NRG3: variants seen among roughly 807,000 people sequenced by gnomAD.
NRG3 encodes the protein neuregulin 3, also known as pro-neuregulin-3, membrane-bound isoform.
NRG3 carries 31 observed loss-of-function variants against 66.9 expected under a neutral mutation model. The ratio of observed to expected loss-of-function variants is 0.46; its 90% CI spans 0.35 to 0.63. The LOEUF is 0.63. Among genes scored for constraint, NRG3 ranks in the 20% least tolerant of loss-of-function variants. The probability of loss-of-function intolerance (pLI) is 0.00; values close to 1 mark genes in which losing one functional copy is unlikely to be tolerated. For missense variants in NRG3, 910 were observed against 878.9 expected, an observed-to-expected ratio of 1.04 and a Z score of -0.45; for synonymous variants, 393 against 359.4, an observed-to-expected ratio of 1.09 and a Z score of -1.06.
intron 2 of NRG3, among the ~76,000 whole-genome samples, chr10:82,657,990 G>A (rs1256379410): frequency 6.6e-6 from 1 of 151,358 alleles, no homozygotes; most frequent in East Asian, 1.9e-4. Flanking sequence ...AAGAAAATCT[G>A]ATTCTACACA....
chr10:82,739,799 G>A (rs945266262), intron 3 of NRG3, among the ~76,000 whole-genome samples: 3 of 152,142 alleles, frequency 2.0e-5, no homozygotes, highest in African/African-American at 7.2e-5. Context: ...TCTATTTCCT[G>A]AAATGTGAGA....
At position 82,844,929 on chromosome 10, in the gene NRG3, C is replaced by T. The variant is rs566962970; in HGVS notation, c.1028-20482C>T. 3.3e-5 allele frequency among the ~76,000 whole-genome samples: 5 copies of T among 152,108 alleles called. No individual in the cohort carries two copies. The South Asian group carries it at 6.2e-4, about 19-fold the overall frequency. ...CAACACTTTGGGAGGCTGAGGCCGG[C>T]GGATCACTTGAGGTCAGGAGCTTGA... On this transcript the variant is annotated intron_variant, in intron 3 of 8. Coordinates refer to ENST00000372141, the MANE Select transcript of NRG3 (RefSeq NM_001010848.4).
chr10:82,213,990 C>T (rs2075537066), intron 1 of NRG3, among the ~76,000 whole-genome samples: 1 of 152,130 alleles, frequency 6.6e-6, no homozygotes, highest in Non-Finnish European at 1.5e-5. Context: ...GCTAGATCTA[C>T]TGAATTTCTC....
At chr10:82,436,434 A>G (rs1044253883) in intron 2 of NRG3, among the ~76,000 whole-genome samples, 1 of 151,928 alleles carries the variant, frequency 6.6e-6, no homozygotes, top group Non-Finnish European at 1.5e-5. Context: ...GTGCCTTTGC[A>G]TGTAAGGTGG....
chr10:82,929,824 C>T (rs1486643925), intron 4 of NRG3, among the ~76,000 whole-genome samples: 1 of 146,850 alleles, frequency 6.8e-6, no homozygotes, highest in East Asian at 2.0e-4. Flanking sequence ...TGCAGTGAGC[C>T]GAGATTGTGC....
chr10:82,124,930 C>T (rs1385249277), intron 1 of NRG3, among the ~76,000 whole-genome samples: 1 of 151,858 alleles, frequency 6.6e-6, no homozygotes, highest in Admixed American at 6.6e-5. Context: ...CCCCATTTGA[C>T]AAGCACATTT....
intron 2 of NRG3, among the ~76,000 whole-genome samples, chr10:82,698,530 T>G (rs2055581874): frequency 6.6e-6 from 1 of 152,224 alleles, no homozygotes; most frequent in Admixed American, 6.5e-5. Flanking sequence ...TTTTTATTGA[T>G]CTACGTAAGC....
chr10:82,800,701 A>G (rs2060998701), intron 3 of NRG3, among the ~76,000 whole-genome samples: 1 of 152,216 alleles, frequency 6.6e-6, no homozygotes, highest in African/African-American at 2.4e-5. Flanking sequence ...AGATTAGCAA[A>G]CAAGCTGCAA....
intron 2 of NRG3, among the ~76,000 whole-genome samples, chr10:82,448,270 G>A (rs1373070103): frequency 1.3e-5 from 2 of 152,158 alleles, no homozygotes; most frequent in Admixed American, 1.3e-4. Flanking sequence ...TTTTGCCTAT[G>A]GCAGCCCCCA....
chr10:82,295,253 G>A (rs992547812), intron 1 of NRG3, among the ~76,000 whole-genome samples: 8 of 152,062 alleles, frequency 5.3e-5, no homozygotes, highest in South Asian at 2.1e-4. Context: ...AATATGACTC[G>A]TTTCATTTAA....
intron 2 of NRG3, among the ~76,000 whole-genome samples, chr10:82,593,014 A>G (rs1457612755): frequency 1.3e-5 from 2 of 152,094 alleles, no homozygotes; most frequent in Admixed American, 1.3e-4. Flanking sequence ...AAATTACACA[A>G]TCAAATCTCA....
rs571616582 is a variant in NRG3 at position 82,199,440 on chromosome 10, A to G, written c.824-159299A>G. Among the ~76,000 whole-genome samples, 76 of 152,126 alleles carry G rather than the reference A, an allele frequency of 5.0e-4. 1 individual carries two copies. Among genetic ancestry groups the G allele is most frequent in the Non-Finnish European group, 9.0e-4 (61 of 68,024 alleles). ...GGAGCTGAGGTATTTAATATAGTTCATGCTTTAAATACCAGATAGGTTGGG... is the reference window on the plus strand; with the variant it reads ...GGAGCTGAGGTATTTAATATAGTTCGTGCTTTAAATACCAGATAGGTTGGG... On this transcript the variant is annotated intron_variant, in intron 1 of 8. Transcript: ENST00000372141.
intron 1 of NRG3, among the ~76,000 whole-genome samples, chr10:82,282,918 T>G (rs1444441235): frequency 6.6e-6 from 1 of 152,146 alleles, no homozygotes; most frequent in African/African-American, 2.4e-5. Context: ...GCTTGGTCAC[T>G]GGGGTCCGAT....
At chr10:82,622,862 A>G (rs1221938281) in intron 2 of NRG3, among the ~76,000 whole-genome samples, 3 of 152,224 alleles carry the variant, frequency 2.0e-5, no homozygotes, top group African/African-American at 7.2e-5. Flanking sequence ...ACTATAGGCA[A>G]GTGGAAGTGT....
At chr10:82,097,426 T>TATATATATATATATCTGTA (rs1163728578) in intron 1 of NRG3, among the ~76,000 whole-genome samples, 11 of 9,924 alleles carry the variant, frequency 1.1e-3, no homozygotes, top group Admixed American at 2.5e-3. Context: ...ATATCTGTAA[T>TATATATATATATATCTGTA]ATATATATAT....
chr10:82,770,312 G>A (rs2059667260), intron 3 of NRG3, among the ~76,000 whole-genome samples: 1 of 152,044 alleles, frequency 6.6e-6, no homozygotes, highest in Non-Finnish European at 1.5e-5. Context: ...TAAAATGGGT[G>A]GGTATATCAA....
At chr10:82,215,242 T>A (rs1302431977) in intron 1 of NRG3, among the ~76,000 whole-genome samples, 1 of 152,200 alleles carries the variant, frequency 6.6e-6, no homozygotes, top group African/African-American at 2.4e-5. Context: ...TGGTTGTAAT[T>A]CAAATTTGAA....
At chr10:82,629,942 G>A (rs917433981) in intron 2 of NRG3, among the ~76,000 whole-genome samples, 1 of 152,148 alleles carries the variant, frequency 6.6e-6, no homozygotes, top group African/African-American at 2.4e-5. Context: ...GGAGTGAAAA[G>A]CAGATGTCCC....
intron 2 of NRG3, among the ~76,000 whole-genome samples, chr10:82,732,589 T>C (rs1028279308): frequency 1.3e-5 from 2 of 152,214 alleles, no homozygotes; most frequent in African/African-American, 4.8e-5. Context: ...TTTCTTCAGT[T>C]GAAAAGCTGG....
Sources: allele counts gnomAD v4.1 joint callset (sites outside exome capture counted in the v4.1 genomes callset), GRCh38; gene constraint gnomAD v4.1.1; transcripts MANE v1.5; gene names NCBI Gene and HGNC (gene_info 2026-07-23, HGNC 2026-07-21).